The following TRPM3 variants were observed in gnomAD, a reference collection of about 807,000 sequenced individuals.
The protein encoded by TRPM3 is long transient receptor potential channel 3.
In TRPM3, 77 loss-of-function variants were observed where a neutral mutation model predicts 181.2. That is an observed-to-expected ratio of 0.42 (90% CI 0.35 to 0.51). The LOEUF is 0.51. Ranked by LOEUF, TRPM3 falls within the 20% of genes least tolerant of loss-of-function variation. The pLI is 0.01. For missense variants in TRPM3, 1,759 were observed against 2,196.7 expected (o/e 0.80, Z 3.98); for synonymous variants, 745 against 796.4 (o/e 0.94, Z 1.09).
intron 1 of TRPM3, among the ~76,000 whole-genome samples, chr9:71,233,123 A>G (rs2081167882): frequency 6.6e-6 from 1 of 152,200 alleles, no homozygotes; most frequent in Non-Finnish European, 1.5e-5. Context: ...CTTACTGTCC[A>G]ACAATAAAAC....
intron 1 of TRPM3, among the ~76,000 whole-genome samples, chr9:70,920,184 G>A (rs2096640896): frequency 1.3e-5 from 2 of 152,156 alleles, no homozygotes; most frequent in African/African-American, 4.8e-5. Flanking sequence ...TTGATATGCA[G>A]TAGGAATTCA....
At chr9:70,820,270 A>G (rs946625286) in intron 6 of TRPM3, among the ~76,000 whole-genome samples, 30 of 152,340 alleles carry the variant, frequency 2.0e-4, no homozygotes, top group African/African-American at 7.0e-4. Flanking sequence ...TATGCAGCAC[A>G]ATCTAATTTT....
chr9:71,357,438 C>G (rs1157453570), intron 1 of TRPM3, among the ~76,000 whole-genome samples: 1 of 152,112 alleles, frequency 6.6e-6, no homozygotes, highest in African/African-American at 2.4e-5. Context: ...CAAAGATAAG[C>G]AGACACGTTT....
intron 1 of TRPM3, among the ~76,000 whole-genome samples, chr9:71,162,986 G>A (rs952076277): frequency 6.6e-6 from 1 of 152,182 alleles, no homozygotes; most frequent in Non-Finnish European, 1.5e-5. Flanking sequence ...CATAGTGCAT[G>A]TGGGAAATGT....
intron 14 of TRPM3, among the ~76,000 whole-genome samples, chr9:70,624,781 C>G (rs10780954): frequency 6.6e-6 from 1 of 151,908 alleles, no homozygotes; most frequent in African/African-American, 2.4e-5. Context: ...CTATTATGAA[C>G]TTATTCTTTG....
At chr9:71,431,783 T>C (rs1221894843) in intron 1 of TRPM3, among the ~76,000 whole-genome samples, 2 of 152,214 alleles carry the variant, frequency 1.3e-5, no homozygotes, top group African/African-American at 4.8e-5. Flanking sequence ...AAAGATTACA[T>C]AAGAGATCAT....
chr9:71,086,478 C>A (rs956782883), intron 1 of TRPM3, among the ~76,000 whole-genome samples: 1 of 151,876 alleles, frequency 6.6e-6, no homozygotes, highest in African/African-American at 2.4e-5. Context: ...GATTTAGATG[C>A]CCATCACCAA....
intron 12 of TRPM3, among the ~76,000 whole-genome samples, chr9:70,628,066 T>G (rs1391810237): frequency 6.6e-6 from 1 of 152,214 alleles, no homozygotes; most frequent in East Asian, 1.9e-4. Flanking sequence ...AAAATAGTAC[T>G]AATGCAACCA....
intron 1 of TRPM3, among the ~76,000 whole-genome samples, chr9:71,050,213 T>C (rs2059913551): frequency 6.6e-6 from 1 of 152,174 alleles, no homozygotes; most frequent in Non-Finnish European, 1.5e-5. Context: ...CACCATTGTT[T>C]TGTGGGTATG....
At chr9:70,695,534 G>A (rs1263964020) in intron 8 of TRPM3, among the ~76,000 whole-genome samples, 1 of 152,086 alleles carries the variant, frequency 6.6e-6, no homozygotes, top group East Asian at 1.9e-4. Context: ...TCTGTTCCTT[G>A]TGCTCTGAGG....
intron 1 of TRPM3, among the ~76,000 whole-genome samples, chr9:71,132,809 A>T (rs2074456770): frequency 6.6e-6 from 1 of 152,180 alleles, no homozygotes. Context: ...CTTATTTTAC[A>T]TGAATTGATG....
At chr9:70,767,557 A>T (rs1303588149) in intron 7 of TRPM3, among the ~76,000 whole-genome samples, 1 of 152,120 alleles carries the variant, frequency 6.6e-6, no homozygotes, top group African/African-American at 2.4e-5. Flanking sequence ...CACAATGGGG[A>T]TGGCTCATTT....
intron 1 of TRPM3, among the ~76,000 whole-genome samples, chr9:71,298,118 A>C (rs1265817635): frequency 6.6e-6 from 1 of 152,188 alleles, no homozygotes; most frequent in Non-Finnish European, 1.5e-5. Flanking sequence ...TTCCTCTAGT[A>C]AACTGAGTCA....
intron 6 of TRPM3, among the ~76,000 whole-genome samples, chr9:70,821,007 T>C (rs1681111731): frequency 6.6e-6 from 1 of 152,200 alleles, no homozygotes; most frequent in African/African-American, 2.4e-5. Flanking sequence ...GTAATATTCA[T>C]TTTAAATAGT....
At chr9:70,983,439 C>G (rs1378036230) in intron 1 of TRPM3, among the ~76,000 whole-genome samples, 1 of 152,072 alleles carries the variant, frequency 6.6e-6, no homozygotes, top group Non-Finnish European at 1.5e-5. Flanking sequence ...TCATTCTATT[C>G]AAGATCAATT....
intron 1 of TRPM3, among the ~76,000 whole-genome samples, chr9:71,402,905 T>G (rs2093368106): frequency 6.6e-6 from 1 of 152,126 alleles, no homozygotes; most frequent in Non-Finnish European, 1.5e-5. Flanking sequence ...ATGAAATTCA[T>G]CCATTCACTC....
At chr9:70,629,036 A>G (rs1564623454) in intron 12 of TRPM3, among the ~76,000 whole-genome samples, 1 of 151,840 alleles carries the variant, frequency 6.6e-6, no homozygotes, top group African/African-American at 2.4e-5. Flanking sequence ...CAAAATCAAT[A>G]AACATTTAAG....
At chr9:70,803,248 C>CAGTA (rs1275034789) in intron 6 of TRPM3, among the ~76,000 whole-genome samples, 1 of 151,926 alleles carries the variant, frequency 6.6e-6, no homozygotes, top group Non-Finnish European at 1.5e-5. Flanking sequence ...CTTGGCCCGT[C>CAGTA]AGTAGCATTA....
At chr9:70,685,704 G>A (rs2134317740) in intron 8 of TRPM3, among the ~76,000 whole-genome samples, 1 of 152,184 alleles carries the variant, frequency 6.6e-6, no homozygotes, top group East Asian at 1.9e-4. Context: ...ACCATGCCTG[G>A]CCCAATATTA....
Sources: allele counts gnomAD v4.1 joint callset (sites outside exome capture counted in the v4.1 genomes callset), GRCh38; gene constraint gnomAD v4.1.1; transcripts MANE v1.5; gene names NCBI Gene and HGNC (gene_info 2026-07-23, HGNC 2026-07-21).